The following TENM3 variants were observed in gnomAD, a reference collection of about 807,000 sequenced individuals.
TENM3 encodes the protein teneurin transmembrane protein 3, also known as teneurin-3.
Under a neutral mutation model 255.1 loss-of-function variants are expected in TENM3, and 63 were observed. The observed-to-expected ratio is 0.25, with a 90% CI of 0.20 to 0.30. The LOEUF is 0.30. Among genes scored for constraint, TENM3 ranks in the 10% least tolerant of loss-of-function variants. The pLI is 1.00. For synonymous variants in TENM3, 1,306 were observed against 1,322.3 expected, an observed-to-expected ratio of 0.99 and a Z score of 0.27; for missense variants, 2,929 against 3,461.1, an observed-to-expected ratio of 0.85 and a Z score of 3.86.
At chr4:182,595,009 C>T (rs1205044437) in intron 3 of TENM3, among the ~76,000 whole-genome samples, 4 of 152,158 alleles carry the variant, frequency 2.6e-5, no homozygotes, top group African/African-American at 7.2e-5. Flanking sequence ...AGCCAGTGCA[C>T]CCAGTCTCTT....
rs374453539 is a variant in TENM3 at position 182,381,263 on chromosome 4, T to C, written c.511+34334T>C. 3.3e-5 allele frequency among the ~76,000 whole-genome samples: 5 copies of C among 152,232 alleles called. No individual in the cohort carries two copies. In the East Asian group the frequency reaches 9.7e-4, roughly 29 times the overall value. On this transcript the variant is annotated intron_variant, in intron 3 of 27. Coordinates refer to ENST00000511685, the MANE Select transcript of TENM3 (RefSeq NM_001080477.4). ...AGTCAATTCCCATGCCAAAGATAAA[T>C]TGATCCCTAGTGTGTCTCCCTAGCT...
the TENM3 span, among the ~76,000 whole-genome samples, chr4:181,772,098 G>C: frequency 6.6e-6 from 1 of 152,084 alleles, no homozygotes. Flanking sequence ...TAATAATTTT[G>C]GCCAGGTGTG....
At chr4:181,527,400 G>T in the TENM3 span, among the ~76,000 whole-genome samples, 2 of 151,828 alleles carry the variant, frequency 1.3e-5, no homozygotes, top group African/African-American at 2.4e-5. Flanking sequence ...ACAGAGTCTC[G>T]CTTTGTCACC....
At chr4:181,912,690 T>C in the TENM3 span, among the ~76,000 whole-genome samples, 1 of 150,666 alleles carries the variant, frequency 6.6e-6, no homozygotes, top group East Asian at 2.0e-4. Flanking sequence ...AAGAATCACT[T>C]GAGCCCAGGA....
intron 22 of TENM3, among the ~76,000 whole-genome samples, chr4:182,765,264 G>A (rs1414679321): frequency 6.6e-6 from 1 of 152,136 alleles, no homozygotes; most frequent in East Asian, 1.9e-4. Flanking sequence ...CTGGTGACAA[G>A]TGGAAAAAAA....
At chr4:182,397,994 C>T (rs915726208) in intron 3 of TENM3, among the ~76,000 whole-genome samples, 1 of 152,130 alleles carries the variant, frequency 6.6e-6, no homozygotes, top group African/African-American at 2.4e-5. Context: ...TTCTCTGTTT[C>T]GGATAAGTCT....
At chr4:181,686,550 T>C in the TENM3 span, among the ~76,000 whole-genome samples, 1 of 152,290 alleles carries the variant, frequency 6.6e-6, no homozygotes, top group Admixed American at 6.5e-5. Context: ...GAAAACACTC[T>C]ACTAGATGTT....
At chr4:181,544,023 C>A in the TENM3 span, among the ~76,000 whole-genome samples, 3 of 151,948 alleles carry the variant, frequency 2.0e-5, no homozygotes, top group African/African-American at 4.8e-5. Flanking sequence ...GTGGTGAGAA[C>A]AGAAATGAAG....
chr4:182,092,387 C>T, the TENM3 span, among the ~76,000 whole-genome samples: 1 of 152,134 alleles, frequency 6.6e-6, no homozygotes, highest in African/African-American at 2.4e-5. Context: ...GTGGCTCATG[C>T]CTATAATCCC....
rs200400983 is a variant in TENM3 at position 182,680,439 on chromosome 4, G to GT, written c.1639+90_1639+91insT. 169 of 1,417,082 alleles carry GT rather than the reference G, an allele frequency of 1.2e-4. 3 individuals carry two copies. Among genetic ancestry groups the GT allele is most frequent in the Admixed American group, 1.9e-4 (11 of 58,138 alleles). 87.8% of individuals were successfully genotyped at this position (1,417,082 alleles called of 1,614,324 possible). On this transcript the variant is annotated intron_variant, in intron 9 of 27. Transcript: ENST00000511685. The stretch of plus-strand genomic sequence containing the variant: ...AAAACTACCGAGACAGGAAAGAAAG[G>GT]GGGGGGGAGACTGGCATATTGCTTG...
the TENM3 span, among the ~76,000 whole-genome samples, chr4:181,754,467 G>T: frequency 6.6e-6 from 1 of 152,114 alleles, no homozygotes; most frequent in South Asian, 2.1e-4. Flanking sequence ...TTTGGGTGGA[G>T]AAATGAGGAA....
At chr4:182,525,212 T>G (rs138362654) in intron 3 of TENM3, among the ~76,000 whole-genome samples, 2 of 152,296 alleles carry the variant, frequency 1.3e-5, no homozygotes, top group South Asian at 2.1e-4. Flanking sequence ...GTCAGGAAAT[T>G]TATGAAAGAA....
At chr4:181,921,814 G>C in the TENM3 span, among the ~76,000 whole-genome samples, 6 of 152,158 alleles carry the variant, frequency 3.9e-5, no homozygotes, top group Admixed American at 3.9e-4. Flanking sequence ...TCTTGTGCCA[G>C]TTTTCAAAGG....
At chr4:182,667,865 G>A (rs1406543628) in intron 6 of TENM3, among the ~76,000 whole-genome samples, 1 of 151,824 alleles carries the variant, frequency 6.6e-6, no homozygotes, top group African/African-American at 2.4e-5. Context: ...GAGTTAATGG[G>A]TGCAGCACAC....
intron 3 of TENM3, among the ~76,000 whole-genome samples, chr4:182,528,977 C>G (rs192611256): frequency 6.6e-6 from 1 of 152,288 alleles, no homozygotes; most frequent in East Asian, 1.9e-4. Context: ...TACTCTGTAC[C>G]TTAAGTACTT....
At chr4:182,022,992 C>T in the TENM3 span, among the ~76,000 whole-genome samples, 10 of 152,226 alleles carry the variant, frequency 6.6e-5, no homozygotes, top group East Asian at 3.9e-4. Context: ...TGAGCAGATG[C>T]GTTTTCCACA....
At chr4:182,221,817 G>A (rs990755339) in intron 1 of TENM3, among the ~76,000 whole-genome samples, 15 of 151,906 alleles carry the variant, frequency 9.9e-5, no homozygotes, top group African/African-American at 3.6e-4. Context: ...ATCAGTCTTC[G>A]GCACATATTG....
chr4:181,470,352 T>G, the TENM3 span, among the ~76,000 whole-genome samples: 1 of 144,754 alleles, frequency 6.9e-6, no homozygotes, highest in Admixed American at 6.7e-5. Context: ...CCAGTTTTTA[T>G]ACACAAAACG....
At position 182,545,212 on chromosome 4, in the gene TENM3, C is replaced by T. The variant is rs1741311502; in HGVS notation, c.512-55712C>T. Among the ~76,000 whole-genome samples, 2 of 152,088 alleles carry T rather than the reference C, an allele frequency of 1.3e-5. 1 individual carries two copies. The highest frequency in any genetic ancestry group is 4.1e-4 in the South Asian group (2 of 4,822). ...AAAATTGAGGGGAAAAAAGTTAAGA[C>T]AACATACCAGTGTATTTACTTGATA... is the stretch of plus-strand genomic sequence containing the variant. On this transcript the variant is annotated intron_variant, in intron 3 of 27. Coordinates refer to ENST00000511685, the MANE Select transcript of TENM3 (RefSeq NM_001080477.4).
Sources: gnomAD v4.1 joint callset for allele counts (sites outside exome capture counted in the v4.1 genomes callset) on GRCh38, gnomAD v4.1.1 for gene constraint, MANE v1.5 for transcripts, NCBI Gene and HGNC (gene_info 2026-07-23, HGNC 2026-07-21) for gene names.